Variants in TENM3 observed in about 807,000 individuals in gnomAD.
The protein encoded by TENM3 is teneurin-3.
Under a neutral mutation model 255.1 loss-of-function variants are expected in TENM3, and 63 were observed. The observed-to-expected ratio is 0.25, with a 90% CI of 0.20 to 0.30. The LOEUF (loss-of-function observed/expected upper bound fraction) is 0.30, where lower values mean the gene tolerates loss of function less well. Ranked by LOEUF, TENM3 falls within the 10% of genes least tolerant of loss-of-function variation. TENM3 has a pLI of 1.00. For synonymous variants in TENM3, 1,306 were observed against 1,322.3 expected, an observed-to-expected ratio of 0.99 and a Z score of 0.27; for missense variants, 2,929 against 3,461.1, an observed-to-expected ratio of 0.85 and a Z score of 3.86.
At chr4:181,657,025 A>C in the TENM3 span, among the ~76,000 whole-genome samples, 4 of 152,244 alleles carry the variant, frequency 2.6e-5, no homozygotes, top group Non-Finnish European at 5.9e-5. Context: ...GTGCAATGGG[A>C]TTCAGATGCA....
intron 4 of TENM3, among the ~76,000 whole-genome samples, chr4:182,616,198 A>C (rs1417908137): frequency 6.6e-6 from 1 of 152,180 alleles, no homozygotes; most frequent in African/African-American, 2.4e-5. Flanking sequence ...GCGCTTCCTT[A>C]TCAGTCTTGT....
intron 1 of TENM3, among the ~76,000 whole-genome samples, chr4:182,187,385 C>T (rs1036954726): frequency 9.2e-5 from 14 of 152,158 alleles, no homozygotes; most frequent in African/African-American, 3.4e-4. Context: ...CTGTTAGTAG[C>T]TTTAAAAGAT....
intron 1 of TENM3, among the ~76,000 whole-genome samples, chr4:182,262,145 T>C (rs1188150218): frequency 6.6e-6 from 1 of 152,204 alleles, no homozygotes; most frequent in Non-Finnish European, 1.5e-5. Flanking sequence ...AGCAATTAAG[T>C]GCCATACCTG....
At chr4:182,772,801 G>A (rs796138098) in intron 22 of TENM3, among the ~76,000 whole-genome samples, 30 of 151,882 alleles carry the variant, frequency 2.0e-4, no homozygotes, top group African/African-American at 6.8e-4. Flanking sequence ...AGGAAATATT[G>A]CATCTCATTT....
At chr4:182,730,119 T>C in intron 14 of TENM3, 81 bp from the exon 15 acceptor site, 2 of 1,553,802 alleles carry the variant, frequency 1.3e-6, no homozygotes, top group Non-Finnish European at 1.8e-6. Flanking sequence ...ATTTTATCCT[T>C]AGGTTGAATT....
At chr4:181,463,995 T>C in the TENM3 span, among the ~76,000 whole-genome samples, 10 of 152,202 alleles carry the variant, frequency 6.6e-5, no homozygotes, top group Admixed American at 2.6e-4. Context: ...ACTCCTTTTA[T>C]TGGCAAACAA....
At chr4:182,391,155 C>T (rs919818777) in intron 3 of TENM3, among the ~76,000 whole-genome samples, 1 of 152,122 alleles carries the variant, frequency 6.6e-6, no homozygotes, top group African/African-American at 2.4e-5. Context: ...TAGCTGCCTT[C>T]GTAAGCTGTT....
chr4:182,514,617 G>T (rs1203335088), intron 3 of TENM3, among the ~76,000 whole-genome samples: 2 of 152,138 alleles, frequency 1.3e-5, no homozygotes, highest in Non-Finnish European at 2.9e-5. Flanking sequence ...TTAGTGTGAT[G>T]TAGTCTGATA....
intron 3 of TENM3, among the ~76,000 whole-genome samples, chr4:182,556,785 C>A (rs1461369696): frequency 6.6e-6 from 1 of 152,140 alleles, no homozygotes; most frequent in Non-Finnish European, 1.5e-5. Flanking sequence ...GCATATCAAC[C>A]CCATGTTACT....
intron 3 of TENM3, among the ~76,000 whole-genome samples, chr4:182,573,097 A>G (rs1744570772): frequency 6.6e-6 from 1 of 152,198 alleles, no homozygotes; most frequent in African/African-American, 2.4e-5. Context: ...CTCCAGAGGT[A>G]GTATTCATAG....
chr4:182,708,572 G>A (rs1360138535), intron 12 of TENM3, among the ~76,000 whole-genome samples: 1 of 152,154 alleles, frequency 6.6e-6, no homozygotes, highest in East Asian at 1.9e-4. Context: ...GGCCGAGGAG[G>A]GTGGATCATG....
At chr4:182,449,300 A>G (rs1331097631) in intron 3 of TENM3, among the ~76,000 whole-genome samples, 3 of 150,078 alleles carry the variant, frequency 2.0e-5, no homozygotes, top group East Asian at 2.0e-4. Flanking sequence ...TGCGGAGGCA[A>G]CATTCGCATC....
the TENM3 span, among the ~76,000 whole-genome samples, chr4:181,823,701 A>G: frequency 6.6e-6 from 1 of 152,204 alleles, no homozygotes; most frequent in African/African-American, 2.4e-5. Flanking sequence ...CCCCTGGGGA[A>G]AATATTTCTC....
chr4:182,785,712 T>TAAAAAAAA (rs397879537), intron 24 of TENM3, among the ~76,000 whole-genome samples: 9 of 60,072 alleles, frequency 1.5e-4, no homozygotes, highest in African/African-American at 5.9e-4. Flanking sequence ...TGTCTCAAGA[T>TAAAAAAAA]AAAAAAAAAA....
At chr4:182,066,609 T>G in the TENM3 span, among the ~76,000 whole-genome samples, 1 of 149,126 alleles carries the variant, frequency 6.7e-6, no homozygotes, top group South Asian at 2.1e-4. Context: ...AATATATATA[T>G]ATATATATAT....
upstream of TENM3, among the ~76,000 whole-genome samples, chr4:182,140,377 G>A (rs1048386379): frequency 2.0e-5 from 3 of 152,082 alleles, no homozygotes; most frequent in Non-Finnish European, 4.4e-5. Context: ...CTGAGCCTGA[G>A]GGGTGAGCTG....
At chr4:181,685,439 G>T in the TENM3 span, among the ~76,000 whole-genome samples, 1 of 152,142 alleles carries the variant, frequency 6.6e-6, no homozygotes, top group East Asian at 1.9e-4. Context: ...CAAACAAAAT[G>T]TTGATATTAT....
chr4:182,402,126 C>T (rs987714919), intron 3 of TENM3, among the ~76,000 whole-genome samples: 1 of 152,194 alleles, frequency 6.6e-6, no homozygotes, highest in Non-Finnish European at 1.5e-5. Context: ...CATGAAGGGC[C>T]ATTTGCTAAT....
At chr4:182,693,481 C>T (rs530176155) in intron 12 of TENM3, among the ~76,000 whole-genome samples, 3 of 151,954 alleles carry the variant, frequency 2.0e-5, no homozygotes, top group Admixed American at 6.6e-5. Flanking sequence ...GGGTTACAGG[C>T]GCCCACCACC....
Sources: gnomAD v4.1 joint callset for allele counts (sites outside exome capture counted in the v4.1 genomes callset) on GRCh38, gnomAD v4.1.1 for gene constraint, MANE v1.5 for transcripts, NCBI Gene and HGNC (gene_info 2026-07-23, HGNC 2026-07-21) for gene names.